ERG: variants seen among roughly 807,000 people sequenced by gnomAD.
ERG encodes ETS transcription factor ERG.
Under a neutral mutation model 55.3 loss-of-function variants are expected in ERG, and 9 were observed. The observed-to-expected ratio is 0.16, with a 90% CI of 0.10 to 0.28. The LOEUF (loss-of-function observed/expected upper bound fraction) is 0.28, where lower values mean the gene tolerates loss of function less well. ERG is among the 10% of genes least tolerant of loss of function. The probability of loss-of-function intolerance (pLI) is 1.00; values close to 1 mark genes in which losing one functional copy is unlikely to be tolerated. For missense variants in ERG, 434 were observed against 631.6 expected, an observed-to-expected ratio of 0.69 and a Z score of 3.35; for synonymous variants, 223 against 237.3, an observed-to-expected ratio of 0.94 and a Z score of 0.55.
intron 2 of ERG, among the ~76,000 whole-genome samples, chr21:38,553,257 T>C (rs1013162672): frequency 2.0e-5 from 3 of 152,150 alleles, no homozygotes; most frequent in African/African-American, 2.4e-5. Context: ...AAAATGGCCA[T>C]ACTTCCCAAA....
intron 2 of ERG, among the ~76,000 whole-genome samples, chr21:38,529,108 G>A (rs2059653362): frequency 6.6e-6 from 1 of 152,066 alleles, no homozygotes; most frequent in East Asian, 1.9e-4. Context: ...CTGGAGGCAG[G>A]TGAGATCTTG....
At chr21:38,424,185 G>GCT (rs1989700490) in intron 2 of ERG, among the ~76,000 whole-genome samples, 62 of 58,576 alleles carry the variant, frequency 1.1e-3, no homozygotes, top group African/African-American at 4.6e-3. Context: ...ACCAGAGCTC[G>GCT]AGCTCTCTCT....
At chr21:38,604,555 A>G (rs1441541407) in intron 1 of ERG, among the ~76,000 whole-genome samples, 2 of 152,258 alleles carry the variant, frequency 1.3e-5, no homozygotes, top group East Asian at 3.8e-4. Context: ...TGTTATTATA[A>G]CAGATTTATA....
chr21:38,511,801 C>T (rs2059513863), intron 2 of ERG, among the ~76,000 whole-genome samples: 1 of 152,186 alleles, frequency 6.6e-6, no homozygotes, highest in Non-Finnish European at 1.5e-5. Flanking sequence ...GTTGTGGGGG[C>T]TGCCCTGTGC....
intron 1 of ERG, among the ~76,000 whole-genome samples, chr21:38,494,872 C>G (rs1196713778): frequency 6.6e-6 from 1 of 152,232 alleles, no homozygotes; most frequent in Non-Finnish European, 1.5e-5. Flanking sequence ...CCACAGAGGG[C>G]AGCCTGGATC....
intron 1 of ERG, among the ~76,000 whole-genome samples, chr21:38,609,835 C>G (rs1461583957): frequency 1.3e-5 from 2 of 152,226 alleles, no homozygotes; most frequent in African/African-American, 2.4e-5. Context: ...GAATCATGCA[C>G]TCTGTTTGTA....
At chr21:38,419,976 T>A (rs1395726103) in intron 3 of ERG, among the ~76,000 whole-genome samples, 1 of 152,088 alleles carries the variant, frequency 6.6e-6, no homozygotes, top group Non-Finnish European at 1.5e-5. Flanking sequence ...CTATCTCTAG[T>A]GTGTAAACAT....
At chr21:38,474,137 C>G (rs556986655) in intron 1 of ERG, 1 of 152,242 alleles carries the variant, frequency 6.6e-6, no homozygotes, top group South Asian at 2.1e-4. Context: ...AGAGGTAAAA[C>G]CCATTGTTGG....
chr21:38,436,026 T>C (rs1418973536), intron 2 of ERG, among the ~76,000 whole-genome samples: 1 of 150,374 alleles, frequency 6.7e-6, no homozygotes, highest in Non-Finnish European at 1.5e-5. Flanking sequence ...TTTTCTTTTT[T>C]TTTTTTTTTT....
intron 2 of ERG, among the ~76,000 whole-genome samples, chr21:38,557,101 A>AGCT (rs1380910278): frequency 3.3e-5 from 5 of 152,152 alleles, no homozygotes; most frequent in Non-Finnish European, 7.3e-5. Context: ...ACATGTATTC[A>AGCT]GCTACTCCAA....
intron 2 of ERG, among the ~76,000 whole-genome samples, chr21:38,445,143 T>A (rs1254811199): frequency 6.7e-6 from 1 of 149,428 alleles, no homozygotes; most frequent in Non-Finnish European, 1.5e-5. Flanking sequence ...TTCTTCTTTT[T>A]TTTTTTTTTT....
chr21:38,645,325 T>C (rs770166954), intron 1 of ERG, among the ~76,000 whole-genome samples: 7 of 152,120 alleles, frequency 4.6e-5, no homozygotes, highest in Non-Finnish European at 7.3e-5. Flanking sequence ...GAAACAAATA[T>C]ATGGCTTGTA....
chr21:38,609,749 G>C (rs117208727), intron 1 of ERG, among the ~76,000 whole-genome samples: 1 of 152,310 alleles, frequency 6.6e-6, no homozygotes, highest in Admixed American at 6.5e-5. Context: ...GCAGAGTCAC[G>C]TGAACAGGAA....
intron 1 of ERG, among the ~76,000 whole-genome samples, chr21:38,606,385 A>G (rs1197440950): frequency 2.6e-5 from 4 of 152,216 alleles, no homozygotes; most frequent in Non-Finnish European, 5.9e-5. Flanking sequence ...GCAGAAGCAA[A>G]AATAAAACTA....
At chr21:38,537,588 A>T (rs1384035068) in intron 2 of ERG, among the ~76,000 whole-genome samples, 1 of 152,158 alleles carries the variant, frequency 6.6e-6, no homozygotes, top group Non-Finnish European at 1.5e-5. Flanking sequence ...CAACATCACT[A>T]ATCATTGGGA....
chr21:38,459,713 T>C (rs1426985892), intron 1 of ERG, among the ~76,000 whole-genome samples: 1 of 152,172 alleles, frequency 6.6e-6, no homozygotes, highest in Non-Finnish European at 1.5e-5. Flanking sequence ...ACACATATCT[T>C]CCAGGAATAA....
chr21:38,580,499 G>A (rs1443327571), intron 1 of ERG, among the ~76,000 whole-genome samples: 1 of 152,158 alleles, frequency 6.6e-6, no homozygotes, highest in Non-Finnish European at 1.5e-5. Flanking sequence ...AACCCTTGCA[G>A]AACTTCACTC....
At chr21:38,453,474 C>T (rs16996336) in intron 1 of ERG, among the ~76,000 whole-genome samples, 4,584 of 152,290 alleles carry the variant, frequency 0.03, 227 homozygotes, top group African/African-American at 0.11. Flanking sequence ...GAATAAACCT[C>T]GAATGCATTT....
intron 3 of ERG, among the ~76,000 whole-genome samples, chr21:38,411,109 C>T (rs879567640): frequency 6.6e-6 from 1 of 152,040 alleles, no homozygotes; most frequent in Non-Finnish European, 1.5e-5. Context: ...ATAAAGCAGG[C>T]CCAATAGAGA....
Sources: gnomAD v4.1 joint callset for allele counts (sites outside exome capture counted in the v4.1 genomes callset) on GRCh38, gnomAD v4.1.1 for gene constraint, MANE v1.5 for transcripts, NCBI Gene and HGNC (gene_info 2026-07-23, HGNC 2026-07-21) for gene names.